TUT7: variants seen among roughly 807,000 people sequenced by gnomAD.
TUT7 encodes terminal uridylyltransferase 7.
In TUT7, 33 loss-of-function variants were observed where a neutral mutation model predicts 165.9. The observed-to-expected ratio is 0.20, with a 90% CI of 0.15 to 0.27. The LOEUF is 0.27. Among genes scored for constraint, TUT7 ranks in the 10% least tolerant of loss-of-function variants. TUT7 has a pLI of 1.00. For synonymous variants in TUT7, 552 were observed against 608.1 expected (o/e 0.91, Z 1.36); for missense variants, 1,338 against 1,762.3 (o/e 0.76, Z 4.31).
At chr9:86,301,126 G>A in intron 26 of TUT7, 150 bp downstream of exon 26, 1 of 711,230 alleles carries the variant, frequency 1.4e-6, no homozygotes, top group Non-Finnish European at 2.3e-6. Context: ...TAAAGGAGGG[G>A]GAAGGGATTT....
At chr9:86,295,248 AATG>A (rs576938815) in intron 26 of TUT7, among the ~76,000 whole-genome samples, 3 of 152,162 alleles carry the variant, frequency 2.0e-5, no homozygotes, top group Non-Finnish European at 4.4e-5. Context: ...GCTGTATATA[AATG>A]ATGGTGGGTA....
At chr9:86,314,098 G>T (rs1398679545) in intron 17 of TUT7, among the ~76,000 whole-genome samples, 1 of 152,184 alleles carries the variant, frequency 6.6e-6, no homozygotes, top group Non-Finnish European at 1.5e-5. Flanking sequence ...TTGTTATGAA[G>T]CTGAGTGACT....
At chr9:86,352,054 G>A (rs1487706925) in intron 2 of TUT7, among the ~76,000 whole-genome samples, 1 of 151,750 alleles carries the variant, frequency 6.6e-6, no homozygotes, top group Non-Finnish European at 1.5e-5. Context: ...ATTAGTTTTG[G>A]TCTTACTGAA....
In TUT7 at chr9:86,323,244, C is replaced by A; in HGVS notation, c.2506G>T (p.Gly836Cys). ...SLNHFTHSVQ[G>C]QTSEMIPSDE... ...GAGGGAATCATTTCTGATGTCTGGC[C>A]CTGTACTGAGTGGGTAAAGTGGTTT... Residue 836 changes from glycine (G) to cysteine (C), a missense_variant, in exon 13 of 27, where the codon GGC (glycine) becomes TGC (cysteine). Transcript: ENST00000375963. The A allele has an allele frequency of 6.2e-7, 1 of 1,614,052 alleles. No homozygotes were observed. Among genetic ancestry groups the A allele is most frequent in the African/African-American group, 1.3e-5 (1 of 75,006 alleles).
intron 10 of TUT7, chr9:86,336,995 G>A (rs1263962621): frequency 6.4e-6 from 1 of 155,960 alleles, no homozygotes; most frequent in Non-Finnish European, 1.4e-5. Flanking sequence ...AGGTTATGGG[G>A]AGAAATAGAT....
chr9:86,297,120 C>T (rs1283077686), intron 26 of TUT7, among the ~76,000 whole-genome samples: 1 of 152,138 alleles, frequency 6.6e-6, no homozygotes, highest in African/African-American at 2.4e-5. Context: ...GAAATCGTAA[C>T]TTACTGTCAA....
chr9:86,309,824 C>A, intron 19 of TUT7, 104 bp downstream of exon 19: 2 of 1,168,906 alleles, frequency 1.7e-6, no homozygotes, highest in South Asian at 1.4e-5. Flanking sequence ...CTACATGAAG[C>A]ATTTCACATG....
chr9:86,295,858 T>G (rs1391452844), intron 26 of TUT7, among the ~76,000 whole-genome samples: 8 of 151,958 alleles, frequency 5.3e-5, no homozygotes, highest in African/African-American at 1.9e-4. Flanking sequence ...TTTTTTTTTG[T>G]TTTTTGTTTT....
intron 17 of TUT7, among the ~76,000 whole-genome samples, chr9:86,313,283 G>T (rs988312047): frequency 5.3e-4 from 80 of 152,208 alleles, no homozygotes; most frequent in African/African-American, 1.9e-3. Flanking sequence ...GAGGCACCAG[G>T]AACAGAGGCA....
At chr9:86,297,507 A>G (rs555205854) in intron 26 of TUT7, among the ~76,000 whole-genome samples, 2 of 152,254 alleles carry the variant, frequency 1.3e-5, no homozygotes, top group African/African-American at 4.8e-5. Context: ...TTCCCTATAT[A>G]AAGTGTTTAG....
intron 10 of TUT7, among the ~76,000 whole-genome samples, chr9:86,329,814 T>C (rs1410754381): frequency 1.3e-5 from 2 of 152,092 alleles, no homozygotes; most frequent in African/African-American, 4.8e-5. Context: ...TGACACCTGG[T>C]ATTCCCTCTG....
At chr9:86,345,891 AAG>A (rs1249727472) in intron 3 of TUT7, 106 bp from the exon 4 acceptor site, 7 of 834,744 alleles carry the variant, frequency 8.4e-6, no homozygotes, top group African/African-American at 3.4e-5. Flanking sequence ...CTTTTCTCTA[AAG>A]AGACAGGAGT....
intron 11 of TUT7, among the ~76,000 whole-genome samples, chr9:86,326,097 T>C (rs746883073): frequency 5.9e-5 from 9 of 152,212 alleles, no homozygotes; most frequent in Non-Finnish European, 1.2e-4. Context: ...ATGTAATATA[T>C]TAGAAAGTAC....
chr9:86,346,559 T>A, intron 2 of TUT7, 79 bp from the exon 3 acceptor site: 1 of 1,377,020 alleles, frequency 7.3e-7, no homozygotes, highest in Non-Finnish European at 1.0e-6. Context: ...ACATATGTAT[T>A]AAATCATGTG....
At chr9:86,305,305 G>A (rs983557910) in intron 22 of TUT7, 66 bp from the exon 23 acceptor site, 8 of 1,073,802 alleles carry the variant, frequency 7.5e-6, no homozygotes, top group South Asian at 1.5e-5. Flanking sequence ...CATCCAATAA[G>A]TAAAGTTCAT....
chr9:86,344,798 C>T lies in TUT7; in HGVS notation c.997+179G>A, dbSNP rs996496466. ...TGGAAACAGGTTTATAATGACAATG[C>T]ATATGAAAGTCCTTGTTACCTTAGG... is the stretch of plus-strand genomic sequence containing the variant. On this transcript the variant is annotated intron_variant, in intron 5 of 26. Transcript: ENST00000375963. 5.1e-6 allele frequency: 3 copies of T among 585,148 alleles called. No homozygotes were observed. The African/African-American group carries it at 5.8e-5, about 11-fold the overall frequency. 36.2% of individuals were successfully genotyped at this position (585,148 alleles called of 1,614,324 possible). A position where few individuals can be genotyped will look rare whatever the true frequency, so the allele number is the denominator to read the frequency against.
rs773201712 is a variant in TUT7, at chr9:86,288,726, T to TCC, written c.4438_4439insGG (p.Tyr1480TrpfsTer3). 2 of 1,613,678 alleles carry TCC rather than the reference T, an allele frequency of 1.2e-6. No individual in the cohort carries two copies. Among genetic ancestry groups the TCC allele is most frequent in the African/African-American group, 2.7e-5 (2 of 74,906 alleles). On this transcript the variant is annotated frameshift_variant, in exon 27 of 27. Transcript: ENST00000375963. LOFTEE classifies it high-confidence loss of function. ...CGCTGAGGCTTTTCCCTGAGTCATA[T>TCC]ATTTACTGGAAAGGCTACCTAGAGG...
Position 86,345,672 on chromosome 9 carries a change from A to G in TUT7, c.816T>C (p.Ile272=). ...GTTTGGGTTACATTCAATTTACCTTAATGTTTTTCTTGTGCCTCTTTTCCT... is the reference window on the plus strand; with the variant it reads ...GTTTGGGTTACATTCAATTTACCTTGATGTTTTTCTTGTGCCTCTTTTCCT... ...HIKEKRHKKN[I]KEKQEEELLT... The change falls in exon 4 of 27, where the codon ATT becomes ATC. Residue 272 remains isoleucine (I), a synonymous_variant. Coordinates refer to ENST00000375963, the MANE Select transcript of TUT7 (RefSeq NM_024617.4). 1 of 1,604,458 alleles carries G rather than the reference A, an allele frequency of 6.2e-7. No homozygotes were observed. Among genetic ancestry groups the G allele is most frequent in the Non-Finnish European group, 8.5e-7 (1 of 1,172,026 alleles).
Position 86,323,694 on chromosome 9 carries a change from C to G in TUT7, c.2056G>C (p.Ala686Pro), listed in dbSNP as rs775227185. ...LAQGPGATSS[A>P]ANTCKVQPLT... ...GGCTGTACCTTACAGGTATTTGCAG[C>G]TGAACTGGTAGCACCAGGACCTTGG... The change falls in exon 13 of 27, where the codon GCT (alanine) becomes CCT (proline). Residue 686 changes from alanine to proline, a missense_variant. By Grantham distance (27) the Ala-to-Pro change is conservative (BLOSUM62 -1). Transcript: ENST00000375963. 2 of 1,614,116 alleles carry G rather than the reference C, an allele frequency of 1.2e-6. No individual in the cohort carries two copies. Among genetic ancestry groups the G allele is most frequent in the Non-Finnish European group, 8.5e-7 (1 of 1,179,920 alleles).
Sources: allele counts gnomAD v4.1 joint callset (sites outside exome capture counted in the v4.1 genomes callset), GRCh38; gene constraint gnomAD v4.1.1; transcripts MANE v1.5; gene names NCBI Gene and HGNC (gene_info 2026-07-23, HGNC 2026-07-21).